The following PLEKHA5 variants were observed in gnomAD, a reference collection of about 807,000 sequenced individuals.
The protein encoded by PLEKHA5 is pleckstrin homology domain-containing family A member 5.
In PLEKHA5, 55 loss-of-function variants were observed where a neutral mutation model predicts 181.9. The observed-to-expected ratio is 0.30, with a 90% CI of 0.24 to 0.38. The LOEUF is 0.38. Among genes scored for constraint, PLEKHA5 ranks in the 10% least tolerant of loss-of-function variants. The probability of loss-of-function intolerance (pLI) is 1.00; values close to 1 mark genes in which losing one functional copy is unlikely to be tolerated. For missense variants in PLEKHA5, 1,432 were observed against 1,549.5 expected (o/e 0.92, Z 1.27); for synonymous variants, 535 against 529.4 (o/e 1.01, Z -0.15).
At chr12:19,264,725 T>A (rs1238110062) in intron 7 of PLEKHA5, among the ~76,000 whole-genome samples, 2 of 152,172 alleles carry the variant, frequency 1.3e-5, no homozygotes, top group African/African-American at 4.8e-5. Context: ...TTTCACCAGA[T>A]ACTCTGGAAA....
At chr12:19,241,432 A>G (rs531008305) in intron 3 of PLEKHA5, among the ~76,000 whole-genome samples, 2 of 152,328 alleles carry the variant, frequency 1.3e-5, no homozygotes, top group East Asian at 3.9e-4. Flanking sequence ...CGATAAATAC[A>G]TACTGTCTTA....
rs571476818 is a variant in PLEKHA5, at chr12:19,283,262, A to T, written c.1314-18A>T. 11 of 1,488,764 alleles carry T rather than the reference A, an allele frequency of 7.4e-6. No homozygotes were observed. The East Asian group carries it at 2.7e-4, about 36-fold the overall frequency. The allele number at this position is 1,488,764 out of a possible 1,614,324, so 92.2% of individuals were successfully genotyped here. ...AACCCTCCTTCATGTTTACATTTTAATTATTTTTTTATTTTAGAGTAATTT... is the reference window on the plus strand; with the variant it reads ...AACCCTCCTTCATGTTTACATTTTATTTATTTTTTTATTTTAGAGTAATTT... On this transcript the variant is annotated intron_variant, in intron 11 of 31. Transcript: ENST00000429027.
chr12:19,353,287 G>A (rs1256184132), intron 25 of PLEKHA5, among the ~76,000 whole-genome samples: 1 of 151,986 alleles, frequency 6.6e-6, no homozygotes, highest in African/African-American at 2.4e-5. Context: ...CTGAGTTGCT[G>A]GAATTATAGA....
intron 3 of PLEKHA5, among the ~76,000 whole-genome samples, chr12:19,194,178 A>G (rs1420911206): frequency 1.3e-5 from 2 of 152,212 alleles, no homozygotes; most frequent in Non-Finnish European, 2.9e-5. Context: ...GTTCCCACTT[A>G]TAAGTGAGAG....
chr12:19,272,627 C>A (rs1005361966), intron 10 of PLEKHA5, among the ~76,000 whole-genome samples: 1 of 151,956 alleles, frequency 6.6e-6, no homozygotes, highest in Non-Finnish European at 1.5e-5. Flanking sequence ...GTCCCGGCTG[C>A]TCGGGAGGCT....
intron 3 of PLEKHA5, among the ~76,000 whole-genome samples, chr12:19,146,607 T>C (rs1337021563): frequency 6.6e-6 from 1 of 152,198 alleles, no homozygotes; most frequent in Non-Finnish European, 1.5e-5. Context: ...TTTTTTCTTA[T>C]TATTTAAAAA....
chr12:19,175,661 A>T (rs10841169), intron 3 of PLEKHA5, among the ~76,000 whole-genome samples: 135,094 of 152,164 alleles, frequency 0.89, 60,828 homozygotes, highest in Non-Finnish European at 0.97. Flanking sequence ...TGGGAAAAAA[A>T]TTTATATGTG....
chr12:19,159,509 T>C (rs753535658), intron 3 of PLEKHA5, among the ~76,000 whole-genome samples: 1 of 152,180 alleles, frequency 6.6e-6, no homozygotes, highest in Non-Finnish European at 1.5e-5. Flanking sequence ...TTCTTACCCA[T>C]CTACAGACTT....
chr12:19,338,587 G>A (rs1411131147), intron 21 of PLEKHA5, among the ~76,000 whole-genome samples: 4 of 150,758 alleles, frequency 2.7e-5, no homozygotes, highest in African/African-American at 7.3e-5. Context: ...CAGCCTGGGC[G>A]ACAAAGGGAG....
intron 15 of PLEKHA5, among the ~76,000 whole-genome samples, chr12:19,310,579 C>T (rs1293398790): frequency 2.1e-5 from 3 of 140,820 alleles, no homozygotes; most frequent in Non-Finnish European, 3.0e-5. Context: ...CATTGCACTC[C>T]AGCCTGTGTG....
chr12:19,362,462 A>G (rs2095281092), intron 29 of PLEKHA5, among the ~76,000 whole-genome samples: 1 of 151,946 alleles, frequency 6.6e-6, no homozygotes, highest in Non-Finnish European at 1.5e-5. Flanking sequence ...TGAACCCAGG[A>G]GGCAGAGGTT....
chr12:19,209,396 G>T (rs539867617), intron 3 of PLEKHA5, among the ~76,000 whole-genome samples: 1 of 152,152 alleles, frequency 6.6e-6, no homozygotes, highest in African/African-American at 2.4e-5. Flanking sequence ...AATAAATCTT[G>T]TTCATGCCCT....
rs1261706938 is a variant in PLEKHA5 at position 19,162,085 on chromosome 12, T to C, written c.227+29635T>C. ...CCATAATGGAAGGAAATGCTAAATT[T>C]TAGTTAGAGAATAGTGAAAATAAAG... On this transcript the variant is annotated intron_variant, in intron 3 of 31. Transcript: ENST00000429027. Among the ~76,000 whole-genome samples, 3 of 152,168 alleles carry C rather than the reference T, an allele frequency of 2.0e-5. No homozygotes were observed. In the South Asian group the frequency reaches 6.2e-4, roughly 32 times the overall value.
At chr12:19,318,895 T>A (rs2089910403) in intron 16 of PLEKHA5, among the ~76,000 whole-genome samples, 1 of 152,236 alleles carries the variant, frequency 6.6e-6, no homozygotes, top group African/African-American at 2.4e-5. Flanking sequence ...CACTCCAGGC[T>A]GGGCAATAAC....
chr12:19,335,833 T>C (rs1216631873), intron 20 of PLEKHA5, among the ~76,000 whole-genome samples: 2 of 152,084 alleles, frequency 1.3e-5, no homozygotes, highest in Non-Finnish European at 2.9e-5. Context: ...GGTTTCACCA[T>C]GTTGGCCAGG....
intron 15 of PLEKHA5, among the ~76,000 whole-genome samples, chr12:19,311,229 C>T (rs945446039): frequency 2.0e-5 from 3 of 147,310 alleles, no homozygotes; most frequent in Non-Finnish European, 4.5e-5. Flanking sequence ...AGTTTGAGAC[C>T]AGCCTTGGCA....
chr12:19,197,520 T>TA (rs1387979794), intron 3 of PLEKHA5, among the ~76,000 whole-genome samples: 1 of 152,162 alleles, frequency 6.6e-6, no homozygotes, highest in East Asian at 1.9e-4. Flanking sequence ...TCATAGCACT[T>TA]ACCACTTTCT....
In PLEKHA5 at chr12:19,359,883, G is replaced by A. The variant is rs541251009; in HGVS notation, c.3483+337G>A. ...GGGGAGGCTGAGGCAGGAGAATGGC[G>A]TGAATCTGGGAGGCGGAGCTTGCAG... is the stretch of plus-strand genomic sequence containing the variant. On this transcript the variant is annotated intron_variant, in intron 28 of 31. Coordinates refer to ENST00000429027, the MANE Select transcript of PLEKHA5 (RefSeq NM_001256470.2). 2.5e-3 allele frequency among the ~76,000 whole-genome samples: 375 copies of A among 151,740 alleles called. 5 individuals carry two copies. The highest frequency in any genetic ancestry group is 2.4e-4 in the Non-Finnish European group (16 of 67,932).
At chr12:19,233,088 T>TGA (rs1293813718) in intron 3 of PLEKHA5, among the ~76,000 whole-genome samples, 1 of 152,020 alleles carries the variant, frequency 6.6e-6, no homozygotes, top group Non-Finnish European at 1.5e-5. Flanking sequence ...AATGAGGATA[T>TGA]GAGAGAGAGA....
Sources: allele counts gnomAD v4.1 joint callset (sites outside exome capture counted in the v4.1 genomes callset), GRCh38; gene constraint gnomAD v4.1.1; transcripts MANE v1.5; gene names NCBI Gene and HGNC (gene_info 2026-07-23, HGNC 2026-07-21).